The following MGAT4A variants were observed in gnomAD, a reference collection of about 807,000 sequenced individuals.
MGAT4A encodes the protein alpha-1,3-mannosyl-glycoprotein 4-beta-N-acetylglucosaminyltransferase A.
Under a neutral mutation model 74.1 loss-of-function variants are expected in MGAT4A, and 33 were observed. The ratio of observed to expected loss-of-function variants is 0.45; its 90% confidence interval spans 0.34 to 0.60. The LOEUF (loss-of-function observed/expected upper bound fraction) is 0.60, where lower values mean the gene tolerates loss of function less well. Ranked by LOEUF, MGAT4A falls within the 20% of genes least tolerant of loss-of-function variation. The probability of loss-of-function intolerance (pLI) is 0.02; values close to 1 mark genes in which losing one functional copy is unlikely to be tolerated. For missense variants in MGAT4A, 479 were observed against 628.3 expected (o/e 0.76, Z 2.54); for synonymous variants, 198 against 210.4 (o/e 0.94, Z 0.51).
At chr2:98,627,246 C>A (rs1701158817) in intron 14 of MGAT4A, among the ~76,000 whole-genome samples, 1 of 152,168 alleles carries the variant, frequency 6.6e-6, no homozygotes, top group Non-Finnish European at 1.5e-5. Context: ...GATGGTGCTT[C>A]AAGTTCAATG....
intron 8 of MGAT4A, among the ~76,000 whole-genome samples, chr2:98,647,302 T>C (rs1701501530): frequency 1.1e-5 from 1 of 93,538 alleles, no homozygotes; most frequent in South Asian, 4.0e-4. Flanking sequence ...TGATGTAATG[T>C]GCTCTTTTTT....
chr2:98,662,982 C>A, intron 5 of MGAT4A, 64 bp downstream of exon 5: 1 of 1,234,448 alleles, frequency 8.1e-7, no homozygotes, highest in South Asian at 2.5e-5. Flanking sequence ...TTCAAATATT[C>A]AATTAGAGTT....
At chr2:98,674,956 C>A in intron 4 of MGAT4A, 79 bp downstream of exon 4, 1 of 1,458,838 alleles carries the variant, frequency 6.9e-7, no homozygotes, top group Admixed American at 2.3e-5. Flanking sequence ...ACCTCCCAGA[C>A]TTCTGATGGT....
At chr2:98,694,622 G>C (rs557747935) in intron 2 of MGAT4A, 1 of 152,018 alleles carries the variant, frequency 6.6e-6, no homozygotes, top group African/African-American at 2.4e-5. Flanking sequence ...TCAGGAGTTC[G>C]AGGCCAGCCT....
chr2:98,721,367 T>C (rs1351908203), intron 2 of MGAT4A, among the ~76,000 whole-genome samples: 1 of 152,028 alleles, frequency 6.6e-6, no homozygotes, highest in African/African-American at 2.4e-5. Flanking sequence ...ATTATGAAAT[T>C]AGAATATACA....
chr2:98,727,424 A>G (rs1238625641), intron 1 of MGAT4A, among the ~76,000 whole-genome samples: 1 of 152,204 alleles, frequency 6.6e-6, no homozygotes, highest in Non-Finnish European at 1.5e-5. Context: ...AAAAAATGTC[A>G]ACTGTACTAA....
chr2:98,678,532 C>A (rs2104290092), intron 2 of MGAT4A, 61 bp from the exon 3 acceptor site: 1 of 1,114,984 alleles, frequency 9.0e-7, no homozygotes, highest in Non-Finnish European at 1.2e-6. Context: ...AATATAATCT[C>A]AATGGAACTG....
In MGAT4A at chr2:98,658,595, G is replaced by T. The variant is rs530544934; in HGVS notation, c.538-331C>A. On this transcript the variant is annotated intron_variant, in intron 5 of 15. Coordinates refer to ENST00000393487, the MANE Select transcript of MGAT4A (RefSeq NM_012214.3). ...ACAGATGCTGCACGATATGAAGAAA[G>T]ATTTTTCTACTTGGAATCATAAAAC... Among the ~76,000 whole-genome samples, 17 of 152,250 alleles carry T rather than the reference G, an allele frequency of 1.1e-4. No individual in the cohort carries two copies. The East Asian group carries it at 2.5e-3, about 22-fold the overall frequency.
chr2:98,656,587 T>C, intron 6 of MGAT4A, 122 bp from the exon 7 acceptor site: 1 of 625,338 alleles, frequency 1.6e-6, no homozygotes, highest in Non-Finnish European at 2.7e-6. Context: ...TATAATGTTA[T>C]GGCCGCAAGG....
At chr2:98,713,988 T>C (rs1417497527) in intron 2 of MGAT4A, among the ~76,000 whole-genome samples, 1 of 152,252 alleles carries the variant, frequency 6.6e-6, no homozygotes, top group Non-Finnish European at 1.5e-5. Context: ...TATTGAACCC[T>C]AGTAAATTTA....
chr2:98,709,793 A>T (rs1702491591), intron 2 of MGAT4A, among the ~76,000 whole-genome samples: 1 of 152,238 alleles, frequency 6.6e-6, no homozygotes, highest in South Asian at 2.1e-4. Context: ...TCAAGCCATG[A>T]CTGGCCATCT....
chr2:98,677,755 T>C (rs1320105645), intron 3 of MGAT4A, among the ~76,000 whole-genome samples: 1 of 151,570 alleles, frequency 6.6e-6, no homozygotes, highest in African/African-American at 2.4e-5. Context: ...ACCCAGCCAA[T>C]TTAACTTAAT....
chr2:98,722,235 C>T (rs562076976), intron 2 of MGAT4A, among the ~76,000 whole-genome samples: 17 of 152,230 alleles, frequency 1.1e-4, no homozygotes, highest in African/African-American at 3.1e-4. Context: ...ATAGCCAAAA[C>T]GTAGAAACAA....
At chr2:98,656,309 T>C in intron 7 of MGAT4A, 43 bp downstream of exon 7, 1 of 1,266,440 alleles carries the variant, frequency 7.9e-7, no homozygotes. Context: ...TATTAAATAT[T>C]TACACTCACA....
intron 2 of MGAT4A, among the ~76,000 whole-genome samples, chr2:98,711,776 C>T (rs965767325): frequency 5.9e-5 from 9 of 152,030 alleles, no homozygotes; most frequent in Non-Finnish European, 5.9e-5. Context: ...TAGCTGGGAC[C>T]ACAGACAAAA....
In MGAT4A at chr2:98,619,189, G is replaced by A. The variant is rs1415367114; in HGVS notation, c.*6377C>T. 2.0e-5 allele frequency: 3 copies of A among 152,414 alleles called. No homozygotes were observed. Among genetic ancestry groups the A allele is most frequent in the Non-Finnish European group, 4.4e-5 (3 of 67,990 alleles). 9.4% of individuals were successfully genotyped at this position (152,414 alleles called of 1,614,324 possible). On this transcript the variant is annotated 3_prime_UTR_variant, in exon 16 of 16. Transcript: ENST00000393487. ...TCTTTATTTCAAATACACATGAACG[G>A]TCGTGGCACAGAGAAACAGTGATGA...
rs918989311 is a variant in MGAT4A at position 98,622,500 on chromosome 2, C to T, written c.*3066G>A. 3.0e-6 allele frequency: 3 copies of T among 985,456 alleles called. No individual in the cohort carries two copies. The highest frequency in any genetic ancestry group is 9.4e-5 in the South Asian group (2 of 21,286). 61.0% of individuals were successfully genotyped at this position (985,456 alleles called of 1,614,324 possible). A position where few individuals can be genotyped will look rare whatever the true frequency, so the allele number is the denominator to read the frequency against. ...TTACTATTTTGGTAAAATGATTCGG[C>T]GCCCTCTCAAGGCAAAGTATTTACC... On this transcript the variant is annotated 3_prime_UTR_variant, in exon 16 of 16. Coordinates refer to ENST00000393487, the MANE Select transcript of MGAT4A (RefSeq NM_012214.3).
At chr2:98,670,129 T>C (rs138853958) in intron 4 of MGAT4A, among the ~76,000 whole-genome samples, 1,767 of 152,304 alleles carry the variant, frequency 0.012, 15 homozygotes, top group Middle Eastern at 0.027. Flanking sequence ...TCTACTGAGT[T>C]AGAGTTAAGA....
chr2:98,701,580 T>G (rs564708652), intron 2 of MGAT4A, among the ~76,000 whole-genome samples: 1 of 152,290 alleles, frequency 6.6e-6, no homozygotes, highest in East Asian at 1.9e-4. Context: ...CTTTCCAACC[T>G]GGAAAAATTA....
Sources: allele counts gnomAD v4.1 joint callset (sites outside exome capture counted in the v4.1 genomes callset), GRCh38; gene constraint gnomAD v4.1.1; transcripts MANE v1.5; gene names NCBI Gene and HGNC (gene_info 2026-07-23, HGNC 2026-07-21).